EXD2: variants seen among roughly 807,000 people sequenced by gnomAD.
The protein encoded by EXD2 is exonuclease 3'-5' domain containing 2, also known as exonuclease 3'-5' domain-containing protein 2.
EXD2 carries 40 observed loss-of-function variants against 62.5 expected under a neutral mutation model. The observed-to-expected ratio is 0.64, with a 90% CI of 0.50 to 0.83. EXD2 has a LOEUF of 0.83. Ranked by LOEUF, EXD2 falls within the 40% of genes least tolerant of loss-of-function variation. The pLI is 0.00. For synonymous variants in EXD2, 239 were observed against 291.9 expected (o/e 0.82, Z 1.85); for missense variants, 671 against 761.8 (o/e 0.88, Z 1.40).
intron 1 of EXD2, among the ~76,000 whole-genome samples, chr14:69,200,270 A>AG (rs1183123972): frequency 2.0e-5 from 3 of 152,224 alleles, no homozygotes; most frequent in Non-Finnish European, 2.9e-5. Flanking sequence ...AGGGCTTATC[A>AG]GGGGTTAGAA....
intron 3 of EXD2, among the ~76,000 whole-genome samples, chr14:69,217,612 C>G (rs1339195266): frequency 6.6e-6 from 1 of 151,664 alleles, no homozygotes; most frequent in African/African-American, 2.4e-5. Context: ...CATATGTATA[C>G]TTGTGCCATG....
rs139087548 is a variant in EXD2 at position 69,197,038 on chromosome 14, C to T, written c.-132+5447C>T. ...GAACATCTTTTCAAGTGCTTATTGGCCATTTGTATACCCTCTATCAGGAAA... is the reference window on the plus strand; with the variant it reads ...GAACATCTTTTCAAGTGCTTATTGGTCATTTGTATACCCTCTATCAGGAAA... On this transcript the variant is annotated intron_variant, in intron 1 of 9. Coordinates refer to ENST00000685843, the MANE Select transcript of EXD2 (RefSeq NM_001193360.2). Among the ~76,000 whole-genome samples, 694 of 152,202 alleles carry T rather than the reference C, an allele frequency of 4.6e-3. 7 individuals carry two copies. The highest frequency in any genetic ancestry group is 5.7e-3 in the Non-Finnish European group (389 of 68,002).
intron 3 of EXD2, among the ~76,000 whole-genome samples, chr14:69,222,174 CTT>C (rs964284226): frequency 1.3e-5 from 2 of 151,390 alleles, no homozygotes; most frequent in South Asian, 2.1e-4. Flanking sequence ...AGGAATGTCT[CTT>C]TTTTCATTCC....
intron 2 of EXD2, among the ~76,000 whole-genome samples, chr14:69,206,386 C>T (rs2042595517): frequency 6.7e-6 from 1 of 149,582 alleles, no homozygotes; most frequent in Non-Finnish European, 1.5e-5. Flanking sequence ...CTCTGGGTTG[C>T]TGATATACTC....
rs2042744137 is a variant in EXD2, at chr14:69,209,808, GT to G, written c.333+7del. ...CTTGGAATTGACTGTGAGTGGGTAAGTTAAAAAGCAAAAGTTAAAAAAAAAA... is the reference window on the plus strand; with the variant it reads ...CTTGGAATTGACTGTGAGTGGGTAAGTAAAAAGCAAAAGTTAAAAAAAAAA... On this transcript the variant is annotated splice_donor_region_variant and intron_variant, in intron 3 of 9. Coordinates refer to ENST00000685843, the MANE Select transcript of EXD2 (RefSeq NM_001193360.2). The G allele has an allele frequency of 1.1e-6, 1 of 946,010 alleles. No homozygotes were observed. Among genetic ancestry groups the G allele is most frequent in the Non-Finnish European group, 1.5e-6 (1 of 684,228 alleles). The allele number at this position is 946,010 out of a possible 1,614,324, so 58.6% of individuals were successfully genotyped here.
At chr14:69,236,628 G>T in intron 8 of EXD2, 86 bp downstream of exon 8, 1 of 1,563,818 alleles carries the variant, frequency 6.4e-7, no homozygotes, top group Admixed American at 1.7e-5. Flanking sequence ...GGGGGCTGTG[G>T]CTGAGTCTGT....
At chr14:69,193,893 G>C (rs1432728408) in intron 1 of EXD2, among the ~76,000 whole-genome samples, 3 of 152,062 alleles carry the variant, frequency 2.0e-5, no homozygotes, top group Non-Finnish European at 4.4e-5. Flanking sequence ...AAGCGAGGGT[G>C]CTGCTAAACA....
In EXD2 at chr14:69,241,253, G is replaced by A. The variant is rs2043976047; in HGVS notation, c.*153G>A. 3.1e-6 allele frequency: 2 copies of A among 638,978 alleles called. No homozygotes were observed. The highest frequency in any genetic ancestry group is 5.3e-6 in the Non-Finnish European group (2 of 377,742). The allele number at this position is 638,978 out of a possible 1,614,324, so 39.6% of individuals were successfully genotyped here. On this transcript the variant is annotated 3_prime_UTR_variant, in exon 10 of 10. Coordinates refer to ENST00000685843, the MANE Select transcript of EXD2 (RefSeq NM_001193360.2). The stretch of plus-strand genomic sequence containing the variant: ...CTAATCCCAGGATGCTTCTGCTGGA[G>A]CAAAGATATTGTTTGAAGGAGAGTT...
rs537532297 is a variant in EXD2 at position 69,243,075 on chromosome 14, G to A, written c.*1975G>A. On this transcript the variant is annotated 3_prime_UTR_variant, in exon 10 of 10. Transcript: ENST00000685843. ...GCAGTAAAATAGAGCCAGCAGCAAA[G>A]TAGAGGAAAAAGCCAGACTGCGTCA... 5 of 152,322 alleles carry A rather than the reference G, an allele frequency of 3.3e-5. No homozygotes were observed. The highest frequency in any genetic ancestry group is 1.2e-4 in the African/African-American group (5 of 41,574). The allele number at this position is 152,322 out of a possible 1,614,324, so 9.4% of individuals were successfully genotyped here.
Position 69,241,776 on chromosome 14 carries a change from GC to G in EXD2, c.*678del. The G allele has an allele frequency of 2.5e-6, 1 of 398,448 alleles. No individual in the cohort carries two copies. The highest frequency in any genetic ancestry group is 4.4e-6 in the Non-Finnish European group (1 of 225,946). The allele number at this position is 398,448 out of a possible 1,614,324, so 24.7% of individuals were successfully genotyped here. ...GGGAGAAATCCTTTTCTGGACATGA[GC>G]CTTTGACCTGGGTGGGGCAGAAAGA... On this transcript the variant is annotated 3_prime_UTR_variant, in exon 10 of 10. Coordinates refer to ENST00000685843, the MANE Select transcript of EXD2 (RefSeq NM_001193360.2).
At chr14:69,195,636 C>A (rs1048369007) in intron 1 of EXD2, among the ~76,000 whole-genome samples, 15 of 152,084 alleles carry the variant, frequency 9.9e-5, no homozygotes, top group Non-Finnish European at 8.8e-5. Context: ...ATTTTTATCA[C>A]CCCAAAAAGA....
In EXD2 at chr14:69,228,998, C is replaced by T. The variant is rs753023957; in HGVS notation, c.516C>T (p.Ala172=). 2.6e-5 allele frequency: 42 copies of T among 1,614,050 alleles called. No homozygotes were observed. Among genetic ancestry groups the T allele is most frequent in the Non-Finnish European group, 3.4e-5 (40 of 1,180,030 alleles). ...LKVGVGCSED[A]SKLLQDYGLV... is the part of the protein sequence containing the mutation. ...TTGGAGTGGGATGCTCAGAAGATGC[C>T]AGCAAGCTTCTGCAGGATTATGGCC... Residue 172 remains alanine (A), a synonymous_variant, in exon 4 of 10, where the codon GCC becomes GCT. Coordinates refer to ENST00000685843, the MANE Select transcript of EXD2 (RefSeq NM_001193360.2).
rs529619863 is a variant in EXD2, at chr14:69,242,770, C to T, written c.*1670C>T. On this transcript the variant is annotated 3_prime_UTR_variant, in exon 10 of 10. Transcript: ENST00000685843. ...CTGGTACTTGGGTTGTGGTAATAGT[C>T]AGGCTTGCCACAAGAGGGCACTCAT... The T allele has an allele frequency of 6.6e-6, 1 of 152,280 alleles. No homozygotes were observed. The highest frequency in any genetic ancestry group is 2.4e-5 in the African/African-American group (1 of 41,550). The allele number at this position is 152,280 out of a possible 1,614,324, so 9.4% of individuals were successfully genotyped here.
At chr14:69,205,732 G>A (rs911381077) in intron 2 of EXD2, among the ~76,000 whole-genome samples, 1 of 151,908 alleles carries the variant, frequency 6.6e-6, no homozygotes, top group Non-Finnish European at 1.5e-5. Context: ...TATGTGGGGT[G>A]TGTTTGTGTG....
intron 3 of EXD2, among the ~76,000 whole-genome samples, chr14:69,223,527 A>G (rs145708263): frequency 4.4e-4 from 67 of 152,330 alleles, no homozygotes; most frequent in African/African-American, 1.5e-3. Context: ...AAGTGGTTAT[A>G]CAAAGCAGGA....
At chr14:69,220,002 A>G (rs1196790784) in intron 3 of EXD2, among the ~76,000 whole-genome samples, 1 of 151,960 alleles carries the variant, frequency 6.6e-6, no homozygotes, top group African/African-American at 2.4e-5. Flanking sequence ...GTTCATTTCT[A>G]TTCTTGGTTT....
At chr14:69,201,851 T>A (rs1594727804) in intron 1 of EXD2, among the ~76,000 whole-genome samples, 1 of 151,948 alleles carries the variant, frequency 6.6e-6, no homozygotes, top group Non-Finnish European at 1.5e-5. Context: ...CCCGGCTAAT[T>A]TTTGTAATCT....
intron 3 of EXD2, chr14:69,224,198 C>T (rs1460283910): frequency 6.6e-6 from 1 of 152,494 alleles, no homozygotes; most frequent in Non-Finnish European, 1.5e-5. Flanking sequence ...CCATACCCAT[C>T]CCCATGTTGC....
At chr14:69,208,787 T>A (rs918166487) in intron 2 of EXD2, 2 of 152,366 alleles carry the variant, frequency 1.3e-5, no homozygotes, top group South Asian at 4.1e-4. Context: ...TGATCCTTTC[T>A]CTTTTGTACC....
Sources: allele counts gnomAD v4.1 joint callset (sites outside exome capture counted in the v4.1 genomes callset), GRCh38; gene constraint gnomAD v4.1.1; transcripts MANE v1.5; gene names NCBI Gene and HGNC (gene_info 2026-07-23, HGNC 2026-07-21).